ROCK2: variants seen among roughly 807,000 people sequenced by gnomAD.
The protein encoded by ROCK2 is rho-associated protein kinase 2.
ROCK2 carries 61 observed loss-of-function variants against 195.1 expected under a neutral mutation model. The observed-to-expected ratio is 0.31, with a 90% CI of 0.25 to 0.39. ROCK2 has a LOEUF of 0.39. Among genes scored for constraint, ROCK2 ranks in the 10% least tolerant of loss-of-function variants. The pLI is 1.00. For missense variants in ROCK2, 1,109 were observed against 1,637.4 expected, an observed-to-expected ratio of 0.68 and a Z score of 5.57; for synonymous variants, 504 against 545.5, an observed-to-expected ratio of 0.92 and a Z score of 1.06.
At chr2:11,214,778 T>G (rs1017503202) in intron 16 of ROCK2, 62 bp downstream of exon 16, 5 of 1,460,906 alleles carry the variant, frequency 3.4e-6, no homozygotes, top group Non-Finnish European at 4.6e-6. Flanking sequence ...ATCCATCATC[T>G]AAAGTTATTT....
At chr2:11,314,966 G>C (rs7593683) in intron 1 of ROCK2, among the ~76,000 whole-genome samples, 10,288 of 151,942 alleles carry the variant, frequency 0.068, 479 homozygotes, top group African/African-American at 0.13. Flanking sequence ...CTATGAAAAT[G>C]AAAAATCCAA....
chr2:11,216,035 C>G (rs1234119660), intron 13 of ROCK2, 123 bp downstream of exon 13: 2 of 754,154 alleles, frequency 2.7e-6, no homozygotes, highest in African/African-American at 3.5e-5. Context: ...GTCCTATCCA[C>G]CAATACTACA....
intron 5 of ROCK2, among the ~76,000 whole-genome samples, chr2:11,230,052 CAT>C (rs754424780): frequency 3.3e-5 from 5 of 152,094 alleles, no homozygotes; most frequent in East Asian, 1.9e-4. Context: ...TAAATATAAA[CAT>C]GTGTGCATGT....
At chr2:11,218,375 T>C (rs1368323592) in intron 11 of ROCK2, 80 bp downstream of exon 11, 14 of 1,061,540 alleles carry the variant, frequency 1.3e-5, no homozygotes, top group Non-Finnish European at 1.9e-5. Flanking sequence ...AAATGCTAGG[T>C]AGGATATGAC....
intron 6 of ROCK2, among the ~76,000 whole-genome samples, chr2:11,226,101 T>C (rs1264395659): frequency 2.0e-5 from 3 of 152,208 alleles, no homozygotes; most frequent in African/African-American, 4.8e-5. Context: ...AAAAAGTATA[T>C]TTTTAACTCT....
chr2:11,296,889 G>T (rs1667553383), intron 1 of ROCK2, among the ~76,000 whole-genome samples: 1 of 152,118 alleles, frequency 6.6e-6, no homozygotes, highest in African/African-American at 2.4e-5. Context: ...CTTTTGTTAT[G>T]AATGTACTTA....
chr2:11,229,580 A>G (rs1366675463), intron 5 of ROCK2, among the ~76,000 whole-genome samples: 1 of 151,472 alleles, frequency 6.6e-6, no homozygotes, highest in Non-Finnish European at 1.5e-5. Context: ...AAAAATAAAC[A>G]TTAAAACCAA....
intron 32 of ROCK2, among the ~76,000 whole-genome samples, chr2:11,189,720 G>C (rs964892280): frequency 2.0e-5 from 3 of 152,122 alleles, no homozygotes; most frequent in African/African-American, 7.2e-5. Context: ...GGTGGCTCAT[G>C]CCTGTAATCC....
At chr2:11,219,848 T>G (rs1572261032) in intron 9 of ROCK2, among the ~76,000 whole-genome samples, 1 of 144,696 alleles carries the variant, frequency 6.9e-6, no homozygotes, top group Admixed American at 7.2e-5. Context: ...TGATTATTCT[T>G]CCCCAAAACT....
chr2:11,337,966 C>T (rs1321938158), intron 1 of ROCK2, among the ~76,000 whole-genome samples: 1 of 152,074 alleles, frequency 6.6e-6, no homozygotes, highest in Non-Finnish European at 1.5e-5. Context: ...AAAGTAAACA[C>T]ATATCTGCCC....
chr2:11,193,890 T>C (rs1464934087), intron 29 of ROCK2, 33 bp from the exon 30 acceptor site: 1 of 1,196,796 alleles, frequency 8.4e-7, no homozygotes, highest in Middle Eastern at 1.9e-4. Flanking sequence ...GAATAAAATA[T>C]CACCCAAGGA....
Position 11,259,921 on chromosome 2 carries a change from C to G in ROCK2, c.325-10123G>C, listed in dbSNP as rs1030817339. Among the ~76,000 whole-genome samples, 11 of 151,272 alleles carry G rather than the reference C, an allele frequency of 7.3e-5. 1 individual carries two copies. Among genetic ancestry groups the G allele is most frequent in the African/African-American group, 2.5e-4 (10 of 40,692 alleles). ...AGTAACAATTCCTTTGATTTGTATA[C>G]TGTTGTAAAATTTATAGAATACTGA... is the stretch of plus-strand genomic sequence containing the variant. On this transcript the variant is annotated intron_variant, in intron 3 of 32. Coordinates refer to ENST00000315872, the MANE Select transcript of ROCK2 (RefSeq NM_004850.5).
At chr2:11,263,055 G>A (rs749198667) in intron 3 of ROCK2, among the ~76,000 whole-genome samples, 13 of 152,114 alleles carry the variant, frequency 8.5e-5, no homozygotes, top group Non-Finnish European at 1.3e-4. Context: ...AACATGTTGA[G>A]AGATAATTTT....
intron 5 of ROCK2, among the ~76,000 whole-genome samples, chr2:11,231,354 C>T (rs1558311571): frequency 1.3e-5 from 2 of 151,938 alleles, no homozygotes; most frequent in South Asian, 2.1e-4. Flanking sequence ...ACTATAGGCC[C>T]GCGCCATCAT....
chr2:11,255,164 C>T (rs558668389), intron 3 of ROCK2, among the ~76,000 whole-genome samples: 41 of 141,914 alleles, frequency 2.9e-4, no homozygotes, highest in Middle Eastern at 7.4e-3. Context: ...TTGCAGTGAG[C>T]GGAGATTGCG....
chr2:11,184,700 A>C (rs922068142), intron 32 of ROCK2: 3 of 982,726 alleles, frequency 3.1e-6, no homozygotes, highest in Non-Finnish European at 3.6e-6. Flanking sequence ...AAACATCGTC[A>C]TCATCATCAC....
chr2:11,344,291 C>A lies in ROCK2; in HGVS notation c.-155G>T, dbSNP rs1572436416. ...GCTTCGGGTCTCCAAGGCGGTCCCC[C>A]GCCTGGGGGCTGCTCCCAGGGGCCC... On this transcript the variant is annotated 5_prime_UTR_variant, in exon 1 of 33. Coordinates refer to ENST00000315872, the MANE Select transcript of ROCK2 (RefSeq NM_004850.5). The surrounding 1 kb of genome is among the most constrained non-coding windows in gnomAD (Gnocchi z 5.4). 2 of 1,244,914 alleles carry A rather than the reference C, an allele frequency of 1.6e-6. No homozygotes were observed. The highest frequency in any genetic ancestry group is 2.0e-6 in the Non-Finnish European group (2 of 995,894). 77.1% of individuals were successfully genotyped at this position (1,244,914 alleles called of 1,614,324 possible).
chr2:11,230,622 C>T (rs1020017043), intron 5 of ROCK2, among the ~76,000 whole-genome samples: 4 of 151,978 alleles, frequency 2.6e-5, no homozygotes, highest in Non-Finnish European at 4.4e-5. Context: ...CAGAAATCTA[C>T]TGAAGGGTAT....
intron 1 of ROCK2, among the ~76,000 whole-genome samples, chr2:11,289,028 A>T (rs552337148): frequency 1.7e-3 from 261 of 152,330 alleles, no homozygotes; most frequent in African/African-American, 5.8e-3. Flanking sequence ...AAATGTTAAC[A>T]CTTTGTGAAA....
Sources: allele counts gnomAD v4.1 joint callset (sites outside exome capture counted in the v4.1 genomes callset), GRCh38; gene constraint gnomAD v4.1.1; non-coding constraint Gnocchi (gnomAD v3.1); transcripts MANE v1.5; gene names NCBI Gene and HGNC (gene_info 2026-07-23, HGNC 2026-07-21).